The following IQCM variants were observed in gnomAD, a reference collection of about 807,000 sequenced individuals.
The protein encoded by IQCM is IQ domain-containing protein M.
IQCM carries 45 observed loss-of-function variants against 57.6 expected under a neutral mutation model. That is an observed-to-expected ratio of 0.78 (90% CI 0.62 to 1.00). IQCM has a LOEUF of 1.00. IQCM is among the 50% of genes least tolerant of loss of function. The probability of loss-of-function intolerance (pLI) is 0.00; values close to 1 mark genes in which losing one functional copy is unlikely to be tolerated. For synonymous variants in IQCM, 148 were observed against 158.9 expected, an observed-to-expected ratio of 0.93 and a Z score of 0.51; for missense variants, 468 against 511.6, an observed-to-expected ratio of 0.91 and a Z score of 0.82.
chr4:149,563,955 A>G (rs1031509318), intron 9 of IQCM, 65 bp from the exon 10 acceptor site: 20 of 744,508 alleles, frequency 2.7e-5, no homozygotes, highest in Non-Finnish European at 3.7e-5. Context: ...AAACAGTTTT[A>G]AATTATTTCA....
intron 7 of IQCM, among the ~76,000 whole-genome samples, chr4:149,677,074 A>C: frequency 6.6e-6 from 1 of 152,006 alleles, no homozygotes; most frequent in East Asian, 1.9e-4. Context: ...TATGCAAAAA[A>C]TACTCCCCAA....
intron 5 of IQCM, among the ~76,000 whole-genome samples, chr4:149,727,796 C>G (rs1766086503): frequency 6.6e-6 from 1 of 152,086 alleles, no homozygotes; most frequent in African/African-American, 2.4e-5. Flanking sequence ...GCTGCAGTGC[C>G]TGGAATAAGA....
chr4:149,718,119 G>C (rs1156627269), intron 5 of IQCM, among the ~76,000 whole-genome samples: 1 of 152,156 alleles, frequency 6.6e-6, no homozygotes, highest in East Asian at 1.9e-4. Context: ...TTAATCCTGG[G>C]AGAGGATCAA....
chr4:149,385,251 C>T (rs1191293959), intron 13 of IQCM, among the ~76,000 whole-genome samples: 1 of 152,044 alleles, frequency 6.6e-6, no homozygotes, highest in East Asian at 1.9e-4. Flanking sequence ...CACTTGCTAA[C>T]AAAGGGAAGT....
intron 7 of IQCM, among the ~76,000 whole-genome samples, chr4:149,678,767 T>C (rs1321348686): frequency 6.6e-6 from 1 of 151,182 alleles, no homozygotes; most frequent in Non-Finnish European, 1.5e-5. Flanking sequence ...AAAAAAGACA[T>C]ACGAATGGCC....
intron 7 of IQCM, among the ~76,000 whole-genome samples, chr4:149,624,175 C>G (rs4607195): frequency 7.3e-5 from 11 of 151,686 alleles, no homozygotes; most frequent in Non-Finnish European, 1.0e-4. Flanking sequence ...TGTGTGCGCG[C>G]GCATGCATGT....
At chr4:149,711,693 GTCA>G (rs5862892) in intron 5 of IQCM, among the ~76,000 whole-genome samples, 31,350 of 151,892 alleles carry the variant, frequency 0.21, 4,039 homozygotes, top group Non-Finnish European at 0.28. Context: ...AAAAGCAAAG[GTCA>G]TTTGCTTACA....
chr4:149,587,555 T>C (rs1389190260), intron 9 of IQCM, among the ~76,000 whole-genome samples: 1 of 151,800 alleles, frequency 6.6e-6, no homozygotes, highest in Non-Finnish European at 1.5e-5. Context: ...CCTAGTGAAT[T>C]GTGGTACATA....
intron 3 of IQCM, among the ~76,000 whole-genome samples, chr4:149,737,025 C>A (rs1329878886): frequency 1.3e-5 from 2 of 152,134 alleles, no homozygotes; most frequent in Non-Finnish European, 2.9e-5. Flanking sequence ...CTGACATGTA[C>A]ACCACTACGG....
chr4:149,423,621 C>T (rs1012749670), intron 13 of IQCM, among the ~76,000 whole-genome samples: 13 of 152,118 alleles, frequency 8.5e-5, no homozygotes, highest in Middle Eastern at 3.4e-3. Flanking sequence ...AGCAGAACAA[C>T]GGAGCACTCA....
intron 12 of IQCM, among the ~76,000 whole-genome samples, chr4:149,537,326 A>C (rs549954515): frequency 6.6e-6 from 1 of 152,058 alleles, no homozygotes; most frequent in Non-Finnish European, 1.5e-5. Flanking sequence ...TAATGAAATA[A>C]GAAAAATTAC....
intron 12 of IQCM, among the ~76,000 whole-genome samples, chr4:149,508,925 A>C (rs1744116890): frequency 6.6e-6 from 1 of 152,130 alleles, no homozygotes; most frequent in Non-Finnish European, 1.5e-5. Flanking sequence ...ATGATAGTGA[A>C]TAAGTCTCAG....
chr4:149,573,956 A>G (rs1008519416), intron 9 of IQCM, among the ~76,000 whole-genome samples: 3 of 151,948 alleles, frequency 2.0e-5, no homozygotes, highest in African/African-American at 4.8e-5. Context: ...ACAATAGCCA[A>G]TCCTCAATAG....
intron 2 of IQCM, among the ~76,000 whole-genome samples, chr4:149,743,710 T>G (rs1381266618): frequency 6.6e-6 from 1 of 152,180 alleles, no homozygotes; most frequent in Non-Finnish European, 1.5e-5. Flanking sequence ...CCCAGCTCAG[T>G]GCATTGCATT....
At chr4:149,409,931 A>T (rs1046260089) in intron 13 of IQCM, among the ~76,000 whole-genome samples, 1 of 152,208 alleles carries the variant, frequency 6.6e-6, no homozygotes, top group African/African-American at 2.4e-5. Flanking sequence ...CATGCCTGTA[A>T]TCCCAGCACT....
At chr4:149,650,059 T>C (rs1759015075) in intron 7 of IQCM, among the ~76,000 whole-genome samples, 1 of 152,156 alleles carries the variant, frequency 6.6e-6, no homozygotes, top group Admixed American at 6.6e-5. Context: ...CCCCATGTTA[T>C]GGGGCCAAAA....
intron 9 of IQCM, among the ~76,000 whole-genome samples, chr4:149,575,334 A>G (rs1579548446): frequency 1.3e-5 from 2 of 151,854 alleles, no homozygotes; most frequent in Non-Finnish European, 2.9e-5. Context: ...CGTGAAATTC[A>G]TCTTTTGTCT....
intron 2 of IQCM, among the ~76,000 whole-genome samples, chr4:149,800,530 A>C (rs563530530): frequency 6.6e-6 from 1 of 152,142 alleles, no homozygotes; most frequent in East Asian, 1.9e-4. Flanking sequence ...AAGGGCATCC[A>C]AACTGGAAAG....
chr4:149,606,860 CAAAAGAGAA>C (rs770326666), intron 8 of IQCM, among the ~76,000 whole-genome samples: 4 of 151,542 alleles, frequency 2.6e-5, no homozygotes, highest in Admixed American at 2.0e-4. Context: ...TCAAAGTACA[CAAAAGAGAA>C]AAAAGAGAAA....
Sources: allele counts gnomAD v4.1 joint callset (sites outside exome capture counted in the v4.1 genomes callset), GRCh38; gene constraint gnomAD v4.1.1; transcripts MANE v1.5; gene names NCBI Gene and HGNC (gene_info 2026-07-23, HGNC 2026-07-21).